The following RGS6 variants were observed in gnomAD, a reference collection of about 807,000 sequenced individuals.
RGS6 encodes regulator of G-protein signaling 6.
In RGS6, 30 loss-of-function variants were observed where a neutral mutation model predicts 78.5. That is an observed-to-expected ratio of 0.38 (90% confidence interval 0.29 to 0.52). RGS6 has a LOEUF of 0.52. Ranked by LOEUF, RGS6 falls within the 20% of genes least tolerant of loss-of-function variation. RGS6 has a pLI of 0.85. For synonymous variants in RGS6, 206 were observed against 206.0 expected (o/e 1.00, Z 0.00); for missense variants, 495 against 609.7 (o/e 0.81, Z 1.98).
intron 3 of RGS6, among the ~76,000 whole-genome samples, chr14:72,361,464 G>A (rs1181565005): frequency 1.3e-5 from 2 of 152,204 alleles, no homozygotes; most frequent in East Asian, 1.9e-4. Context: ...AGAGGCAAGA[G>A]TAAGAGAGCT....
chr14:72,336,160 TTG>T (rs1304373911), intron 2 of RGS6, among the ~76,000 whole-genome samples: 1 of 152,220 alleles, frequency 6.6e-6, no homozygotes, highest in Non-Finnish European at 1.5e-5. Flanking sequence ...ATCTCTCAAA[TTG>T]TGTGTTGTTC....
At chr14:72,574,845 T>C in the RGS6 span, among the ~76,000 whole-genome samples, 1 of 152,042 alleles carries the variant, frequency 6.6e-6, no homozygotes, top group South Asian at 2.1e-4. Flanking sequence ...GCACAGAGAC[T>C]GAGAAAGGTC....
At chr14:72,458,463 G>T in intron 5 of RGS6, 86 bp downstream of exon 5, 1 of 1,041,010 alleles carries the variant, frequency 9.6e-7, no homozygotes. Context: ...AAAACCTAGG[G>T]ATATCTGAGG....
chr14:72,103,634 C>T (rs1292207326), intron 2 of RGS6, among the ~76,000 whole-genome samples: 1 of 152,154 alleles, frequency 6.6e-6, no homozygotes. Flanking sequence ...CATTAGTGTG[C>T]TAATTAAGGA....
chr14:72,510,312 A>C (rs749877445), intron 14 of RGS6, 33 bp downstream of exon 14: 1 of 1,613,594 alleles, frequency 6.2e-7, no homozygotes, highest in Non-Finnish European at 8.5e-7. Flanking sequence ...TGTGTGCGGA[A>C]TGTGTGTGAA....
chr14:71,910,419 T>C, the RGS6 span, among the ~76,000 whole-genome samples: 210 of 152,348 alleles, frequency 1.4e-3, no homozygotes, highest in African/African-American at 4.6e-3. Flanking sequence ...TGCTTCTCTT[T>C]GTCCTGTCAT....
At chr14:72,606,801 A>G in the RGS6 span, among the ~76,000 whole-genome samples, 1 of 152,034 alleles carries the variant, frequency 6.6e-6, no homozygotes, top group South Asian at 2.1e-4. Flanking sequence ...GTAGGTAATG[A>G]CTGAGTTCTT....
the RGS6 span, among the ~76,000 whole-genome samples, chr14:71,905,217 C>T: frequency 2.6e-5 from 4 of 152,230 alleles, no homozygotes; most frequent in Non-Finnish European, 5.9e-5. Flanking sequence ...GCTACACGGA[C>T]TTCTCATTGG....
At chr14:72,580,134 G>GT in the RGS6 span, among the ~76,000 whole-genome samples, 1 of 152,228 alleles carries the variant, frequency 6.6e-6, no homozygotes, top group Admixed American at 6.5e-5. Flanking sequence ...TGCTGTAAGA[G>GT]TAAGAGGCAC....
rs146313675 is a variant in RGS6 at position 72,476,754 on chromosome 14, G to A, written c.706G>A (p.Val236Met). 1.4e-4 allele frequency: 226 copies of A among 1,613,966 alleles called. No homozygotes were observed. Among genetic ancestry groups the A allele is most frequent in the Non-Finnish European group, 1.8e-4 (215 of 1,179,974 alleles). Residue 236 changes from valine (V) to methionine (M), a missense_variant, in exon 11 of 18, where the codon GTG becomes ATG. Physicochemically the swap from Val to Met is conservative, Grantham distance 21. Coordinates refer to ENST00000553525, the MANE Select transcript of RGS6 (RefSeq NM_001204424.2). ...PQKVKKSVYGVTEESQAQSPV... is the reference protein window; with the variant it reads ...PQKVKKSVYGMTEESQAQSPV... ...CTTCTTCTCCTAGTCCGTGTATGGC[G>A]TGACTGAAGAGTCCCAGGCACAGAG...
chr14:72,503,391 C>A (rs965506315), intron 13 of RGS6, among the ~76,000 whole-genome samples: 2 of 152,144 alleles, frequency 1.3e-5, no homozygotes, highest in Non-Finnish European at 2.9e-5. Flanking sequence ...CTTGTCCTGG[C>A]ATCAATTCTG....
At chr14:72,159,802 A>C (rs1422302297) in intron 2 of RGS6, among the ~76,000 whole-genome samples, 2 of 152,164 alleles carry the variant, frequency 1.3e-5, no homozygotes, top group Admixed American at 6.5e-5. Flanking sequence ...AAGCATGGAC[A>C]CCAAAAATAA....
At chr14:72,348,735 A>T (rs1002562293) in intron 2 of RGS6, among the ~76,000 whole-genome samples, 1 of 152,240 alleles carries the variant, frequency 6.6e-6, no homozygotes, top group African/African-American at 2.4e-5. Context: ...AGATACCCCA[A>T]TTCTAAGAGT....
intron 2 of RGS6, among the ~76,000 whole-genome samples, chr14:72,081,487 G>T (rs2094823214): frequency 6.6e-6 from 1 of 151,902 alleles, no homozygotes; most frequent in South Asian, 2.1e-4. Context: ...ATGTATTTCT[G>T]CTGTTCTGGT....
At chr14:72,418,459 G>A (rs368469680) in intron 3 of RGS6, among the ~76,000 whole-genome samples, 7 of 152,090 alleles carry the variant, frequency 4.6e-5, no homozygotes, top group South Asian at 4.2e-4. Flanking sequence ...GAGCCACCGC[G>A]CCCGGCCCGC....
chr14:72,176,275 C>T (rs2097103177), intron 2 of RGS6, among the ~76,000 whole-genome samples: 1 of 152,194 alleles, frequency 6.6e-6, no homozygotes, highest in African/African-American at 2.4e-5. Flanking sequence ...TACATCTTCC[C>T]TCCTCCCACC....
At chr14:72,544,346 C>T (rs1310043237) in intron 17 of RGS6, among the ~76,000 whole-genome samples, 10 of 152,148 alleles carry the variant, frequency 6.6e-5, no homozygotes, top group Non-Finnish European at 1.3e-4. Context: ...ATGGCAGCCC[C>T]GAGTGAGGCT....
chr14:71,920,084 G>A, the RGS6 span, among the ~76,000 whole-genome samples: 4 of 152,148 alleles, frequency 2.6e-5, no homozygotes, highest in Non-Finnish European at 5.9e-5. Context: ...TATTACACAG[G>A]CAGCTCACCC....
intron 11 of RGS6, 104 bp downstream of exon 11, chr14:72,476,944 A>G (rs2096254188): frequency 4.0e-6 from 4 of 992,144 alleles, no homozygotes; most frequent in Non-Finnish European, 4.6e-6. Context: ...AGTTCCTGGA[A>G]ACCACAGTGG....
Sources: gnomAD v4.1 joint callset for allele counts (sites outside exome capture counted in the v4.1 genomes callset) on GRCh38, gnomAD v4.1.1 for gene constraint, MANE v1.5 for transcripts, NCBI Gene and HGNC (gene_info 2026-07-23, HGNC 2026-07-21) for gene names.